CDH7: variants seen among roughly 807,000 people sequenced by gnomAD.
The protein encoded by CDH7 is cadherin-7.
CDH7 carries 25 observed loss-of-function variants against 71.8 expected under a neutral mutation model. The ratio of observed to expected loss-of-function variants is 0.35; its 90% confidence interval spans 0.25 to 0.49. CDH7 has a LOEUF of 0.49. Ranked by LOEUF, CDH7 falls within the 20% of genes least tolerant of loss-of-function variation. The pLI is 0.99. For synonymous variants in CDH7, 381 were observed against 363.8 expected, an observed-to-expected ratio of 1.05 and a Z score of -0.54; for missense variants, 862 against 974.6, an observed-to-expected ratio of 0.88 and a Z score of 1.54.
In CDH7 at chr18:65,882,601, A is replaced by G. The variant is rs1230215215; in HGVS notation, c.*1707A>G. On this transcript the variant is annotated 3_prime_UTR_variant, in exon 12 of 12. Coordinates refer to ENST00000397968, the MANE Select transcript of CDH7 (RefSeq NM_004361.5). The stretch of plus-strand genomic sequence containing the variant: ...TGTAAAAGTGGCCTTCAACTTCATA[A>G]GTATAAATAATCCAATAAATTTCAT... 1 of 152,162 alleles carries G rather than the reference A, an allele frequency of 6.6e-6. No individual in the cohort carries two copies. The highest frequency in any genetic ancestry group is 1.5e-5 in the Non-Finnish European group (1 of 67,984). The allele number at this position is 152,162 out of a possible 1,614,324, so 9.4% of individuals were successfully genotyped here.
chr18:65,840,714 CCCAG>C (rs1912701594), intron 6 of CDH7, among the ~76,000 whole-genome samples: 1 of 152,116 alleles, frequency 6.6e-6, no homozygotes, highest in Non-Finnish European at 1.5e-5. Context: ...GTGAGACCTC[CCCAG>C]CCACGTGGAA....
intron 1 of CDH7, among the ~76,000 whole-genome samples, chr18:65,760,036 G>A (rs1916146993): frequency 6.6e-6 from 1 of 152,144 alleles, no homozygotes; most frequent in Admixed American, 6.5e-5. Flanking sequence ...CTTGGTGTAA[G>A]AGTTGTCTAA....
At chr18:65,834,415 A>G (rs745894194) in intron 6 of CDH7, among the ~76,000 whole-genome samples, 2 of 152,218 alleles carry the variant, frequency 1.3e-5, no homozygotes, top group Non-Finnish European at 2.9e-5. Context: ...GATAACATCC[A>G]TGGAGGGCAC....
intron 4 of CDH7, among the ~76,000 whole-genome samples, chr18:65,817,312 CGCCCG>C (rs1479241648): frequency 1.3e-5 from 2 of 152,154 alleles, no homozygotes; most frequent in Non-Finnish European, 2.9e-5. Flanking sequence ...CCTTCCTACA[CGCCCG>C]GTTCTCATTC....
chr18:65,818,225 TTTAG>T (rs1911789430), intron 4 of CDH7, among the ~76,000 whole-genome samples: 1 of 152,198 alleles, frequency 6.6e-6, no homozygotes, highest in Non-Finnish European at 1.5e-5. Flanking sequence ...CTAATTTACT[TTTAG>T]TTAACTTTGG....
intron 11 of CDH7, among the ~76,000 whole-genome samples, chr18:65,875,121 T>C (rs1021577204): frequency 6.6e-6 from 1 of 152,228 alleles, no homozygotes; most frequent in Admixed American, 6.5e-5. Flanking sequence ...GTATTTTATG[T>C]GTGGCCCAAG....
At chr18:65,796,318 T>G in intron 2 of CDH7, among the ~76,000 whole-genome samples, 1 of 138,760 alleles carries the variant, frequency 7.2e-6, no homozygotes, top group East Asian at 2.1e-4. Context: ...TAGAATAAAT[T>G]TTTTTTGGAT....
intron 2 of CDH7, among the ~76,000 whole-genome samples, chr18:65,778,308 G>T (rs900997195): frequency 1.4e-5 from 2 of 145,700 alleles, no homozygotes; most frequent in Non-Finnish European, 1.5e-5. Flanking sequence ...AAAACCTAGT[G>T]CCATGCTGAC....
intron 6 of CDH7, among the ~76,000 whole-genome samples, chr18:65,839,186 C>T (rs1433558935): frequency 1.3e-5 from 2 of 152,126 alleles, no homozygotes; most frequent in African/African-American, 4.8e-5. Context: ...TTAGTTTTCA[C>T]ATGTATTAAT....
intron 6 of CDH7, among the ~76,000 whole-genome samples, chr18:65,828,584 G>C (rs1912217695): frequency 1.3e-5 from 2 of 151,984 alleles, no homozygotes; most frequent in Non-Finnish European, 1.5e-5. Context: ...TGTGTTATCA[G>C]TAAGGCTTCT....
At chr18:65,796,232 C>T (rs914328865) in intron 2 of CDH7, among the ~76,000 whole-genome samples, 4 of 152,096 alleles carry the variant, frequency 2.6e-5, no homozygotes, top group African/African-American at 9.7e-5. Flanking sequence ...CAGATCGTCA[C>T]TCCCAAGCAT....
chr18:65,832,342 A>G (rs1912380742), intron 6 of CDH7, among the ~76,000 whole-genome samples: 1 of 152,116 alleles, frequency 6.6e-6, no homozygotes, highest in Non-Finnish European at 1.5e-5. Flanking sequence ...GCAGAAAAAA[A>G]TCCTTTTTAA....
In CDH7 at chr18:65,762,914, G is replaced by A. The variant is rs770616206; in HGVS notation, c.72G>A (p.Met24Ile). 3 of 1,613,626 alleles carry A rather than the reference G, an allele frequency of 1.9e-6. No homozygotes were observed. In the South Asian group the frequency reaches 3.3e-5, roughly 18 times the overall value. Residue 24 changes from methionine to isoleucine, a missense_variant, in exon 2 of 12, where the codon ATG (methionine) becomes ATA (isoleucine). Met to Ile is a conservative substitution (Grantham distance 10). Transcript: ENST00000397968. ...CTCTTTTCCTGTGTTTTTCTGGGAT[G>A]AGTCAAGCAGAACTCTCAAGGTCCA... Reference protein sequence around the residue: ...LIALFLCFSGMSQAELSRSRS... With the variant: ...LIALFLCFSGISQAELSRSRS...
chr18:65,790,712 T>C (rs756779629), intron 2 of CDH7, among the ~76,000 whole-genome samples: 3 of 152,008 alleles, frequency 2.0e-5, no homozygotes, highest in Non-Finnish European at 2.9e-5. Context: ...TTAATAAAAA[T>C]ACAAAAATTA....
intron 4 of CDH7, among the ~76,000 whole-genome samples, chr18:65,817,279 C>T (rs1350675162): frequency 6.6e-6 from 1 of 152,054 alleles, no homozygotes; most frequent in Non-Finnish European, 1.5e-5. Context: ...ATCGTCATAA[C>T]AAGTGACCCC....
chr18:65,857,983 A>T (rs759620707), intron 8 of CDH7, 31 bp downstream of exon 8: 3 of 1,606,404 alleles, frequency 1.9e-6, no homozygotes, highest in African/African-American at 1.3e-5. Context: ...CTAAATTAAG[A>T]TGGAGGACAG....
chr18:65,763,133 A>AT, intron 2 of CDH7, 81 bp downstream of exon 2: 1 of 759,406 alleles, frequency 1.3e-6, no homozygotes, highest in Non-Finnish European at 1.9e-6. Context: ...ATATATATAT[A>AT]AAATTTATTT....
chr18:65,888,472 A>C lies in CDH7; in HGVS notation c.*7578A>C, dbSNP rs1170362855. 2.0e-5 allele frequency: 3 copies of C among 152,156 alleles called. No individual in the cohort carries two copies. The highest frequency in any genetic ancestry group is 4.4e-5 in the Non-Finnish European group (3 of 68,018). The allele number at this position is 152,156 out of a possible 1,614,324, so 9.4% of individuals were successfully genotyped here. A position where few individuals can be genotyped will look rare whatever the true frequency, so the allele number is the denominator to read the frequency against. On this transcript the variant is annotated 3_prime_UTR_variant, in exon 12 of 12. Coordinates refer to ENST00000397968, the MANE Select transcript of CDH7 (RefSeq NM_004361.5). ...CATTCTCAGCTGTGATGGTGGCGCC[A>C]TCCTGGTTTCCAGCTTATACCTCCT...
rs1568182668 is a variant in CDH7, at chr18:65,782,154, CTTTCTTTCTTCCTTTCTT to C, written c.210+19104_210+19121del. ...TCTTTCTTTCTTTCTTTCTTTCTTT[CTTTCTTTCTTCCTTTCTT>C]TCTTTCTTTCTTTCTTGACAGAGTC... On this transcript the variant is annotated intron_variant, in intron 2 of 11. Transcript: ENST00000397968. Among the ~76,000 whole-genome samples, 12 of 108,238 alleles carry C rather than the reference CTTTCTTTCTTCCTTTCTT, an allele frequency of 1.1e-4. 1 individual carries two copies. Among genetic ancestry groups the C allele is most frequent in the East Asian group, 4.9e-4 (2 of 4,086 alleles). The allele number at this position is 108,238 out of a possible 152,430, so 71.0% of individuals were successfully genotyped here.
Sources: gnomAD v4.1 joint callset for allele counts (sites outside exome capture counted in the v4.1 genomes callset) on GRCh38, gnomAD v4.1.1 for gene constraint, MANE v1.5 for transcripts, NCBI Gene and HGNC (gene_info 2026-07-23, HGNC 2026-07-21) for gene names.